CATSPERD: variants seen among roughly 807,000 people sequenced by gnomAD.
CATSPERD encodes the protein catsper channel auxiliary subunit delta.
A neutral mutation model predicts 98.1 loss-of-function variants in CATSPERD; 86 were observed. The ratio of observed to expected loss-of-function variants is 0.88; its 90% CI spans 0.74 to 1.05. The LOEUF is 1.05. Among genes scored for constraint, CATSPERD ranks in the 50% least tolerant of loss-of-function variants. The probability of loss-of-function intolerance (pLI) is 0.00; values close to 1 mark genes in which losing one functional copy is unlikely to be tolerated. For synonymous variants in CATSPERD, 394 were observed against 390.2 expected, an observed-to-expected ratio of 1.01 and a Z score of -0.12; for missense variants, 995 against 1,005.7, an observed-to-expected ratio of 0.99 and a Z score of 0.14.
At chr19:5,770,088 CAAA>C (rs760375391) in intron 18 of CATSPERD, among the ~76,000 whole-genome samples, 8 of 67,156 alleles carry the variant, frequency 1.2e-4, no homozygotes, top group Non-Finnish European at 1.2e-4. Flanking sequence ...GACTCTGTCT[CAAA>C]AAAAAAAAAA....
At chr19:5,751,903 C>A in intron 12 of CATSPERD, 80 bp downstream of exon 12, 2 of 1,333,708 alleles carry the variant, frequency 1.5e-6, no homozygotes, top group Non-Finnish European at 2.0e-6. Flanking sequence ...TGGTGCACGC[C>A]TGTAGCCCCA....
Position 5,758,993 on chromosome 19 carries a change from C to T in CATSPERD, c.1369-93C>T, listed in dbSNP as rs1351825004. 6 of 1,151,344 alleles carry T rather than the reference C, an allele frequency of 5.2e-6. No individual in the cohort carries two copies. In the East Asian group the frequency reaches 1.2e-4, roughly 23 times the overall value. 71.3% of individuals were successfully genotyped at this position (1,151,344 alleles called of 1,614,324 possible). A position where few individuals can be genotyped will look rare whatever the true frequency, so the allele number is the denominator to read the frequency against. ...GCTTCCAGGTTCGTCCCCCCATGTC[C>T]CCTCCAACACCCCATCTCTCCCAAT... On this transcript the variant is annotated intron_variant, in intron 14 of 21. Coordinates refer to ENST00000381624, the MANE Select transcript of CATSPERD (RefSeq NM_152784.4).
At chr19:5,773,505 C>T (rs747709655) in intron 20 of CATSPERD, among the ~76,000 whole-genome samples, 1 of 152,062 alleles carries the variant, frequency 6.6e-6, no homozygotes, top group Non-Finnish European at 1.5e-5. Flanking sequence ...CCCGGGCTGT[C>T]TTACTCAGTG....
At chr19:5,737,851 AAAAAAAAAAAAAAG>A (rs773958324) in intron 6 of CATSPERD, among the ~76,000 whole-genome samples, 4 of 122,240 alleles carry the variant, frequency 3.3e-5, no homozygotes, top group Non-Finnish European at 6.7e-5. Flanking sequence ...ACTCCATCTC[AAAAAAAAAAAAAAG>A]AAAAAAGATA....
chr19:5,741,793 G>A lies in CATSPERD; in HGVS notation c.573+2354G>A, dbSNP rs1158219882. Among the ~76,000 whole-genome samples, 10 of 96,054 alleles carry A rather than the reference G, an allele frequency of 1.0e-4. 3 individuals carry two copies. The highest frequency in any genetic ancestry group is 2.0e-4 in the Admixed American group (2 of 10,222). 63.0% of individuals were successfully genotyped at this position (96,054 alleles called of 152,430 possible). A position where few individuals can be genotyped will look rare whatever the true frequency, so the allele number is the denominator to read the frequency against. On this transcript the variant is annotated intron_variant, in intron 7 of 21. Coordinates refer to ENST00000381624, the MANE Select transcript of CATSPERD (RefSeq NM_152784.4). Reference sequence around the variant, plus strand: ...CTTTGGGATGCTGAAGGCGGGGGGGGGGGGGTGGTGTGGATCACTTGAGGT... The same window carrying A: ...CTTTGGGATGCTGAAGGCGGGGGGGAGGGGGTGGTGTGGATCACTTGAGGT...
At chr19:5,731,750 T>C (rs553991871) in intron 4 of CATSPERD, among the ~76,000 whole-genome samples, 1 of 149,718 alleles carries the variant, frequency 6.7e-6, no homozygotes, top group East Asian at 2.0e-4. Context: ...TAATTTTTTG[T>C]ATTTTTAGTA....
intron 3 of CATSPERD, among the ~76,000 whole-genome samples, chr19:5,728,527 G>A (rs1025295239): frequency 1.3e-5 from 2 of 151,404 alleles, no homozygotes; most frequent in Admixed American, 6.6e-5. Flanking sequence ...ATTGTACCCC[G>A]TCTGGATGTC....
chr19:5,776,498 A>G (rs141697824), intron 21 of CATSPERD, among the ~76,000 whole-genome samples, 183 bp downstream of exon 21: 22 of 152,322 alleles, frequency 1.4e-4, no homozygotes, highest in African/African-American at 5.1e-4. Context: ...CTAAATACTC[A>G]TTTCAGAGTC....
chr19:5,763,374 A>C lies in CATSPERD; in HGVS notation c.1506+81A>C, dbSNP rs1456714676. The C allele has an allele frequency of 1.2e-5, 14 of 1,126,038 alleles. No individual in the cohort carries two copies. In the East Asian group the frequency reaches 3.3e-4, roughly 27 times the overall value. 69.8% of individuals were successfully genotyped at this position (1,126,038 alleles called of 1,614,324 possible). A position where few individuals can be genotyped will look rare whatever the true frequency, so the allele number is the denominator to read the frequency against. ...GGAAGCTGGCCCTGAGGTTGCAATG[A>C]GCTGAGATAGTGCCACTGCACTCCA... On this transcript the variant is annotated intron_variant, in intron 16 of 21. Coordinates refer to ENST00000381624, the MANE Select transcript of CATSPERD (RefSeq NM_152784.4).
chr19:5,759,182 C>T, intron 15 of CATSPERD, 38 bp downstream of exon 15: 1 of 1,590,678 alleles, frequency 6.3e-7, no homozygotes, highest in Non-Finnish European at 8.6e-7. Flanking sequence ...ACTGGGCTGC[C>T]TACAGGGGTT....
chr19:5,775,328 G>A (rs949837323), intron 20 of CATSPERD: 7 of 468,910 alleles, frequency 1.5e-5, no homozygotes, highest in African/African-American at 6.0e-5. Flanking sequence ...ACAGACCTGC[G>A]TATTTATTGA....
intron 5 of CATSPERD, among the ~76,000 whole-genome samples, chr19:5,734,737 G>A (rs1318922677): frequency 6.6e-6 from 1 of 151,912 alleles, no homozygotes; most frequent in African/African-American, 2.4e-5. Flanking sequence ...AGGAAGTGGA[G>A]GTTGCAGTGA....
At position 5,751,773 on chromosome 19, in the gene CATSPERD, A is replaced by C; in HGVS notation, c.1114A>C (p.Asn372His). The change falls in exon 12 of 22, where the codon AAT (asparagine) becomes CAT (histidine). Residue 372 changes from asparagine to histidine, a missense_variant. This residue lies in a region of CATSPERD where 762 missense variants were observed against 773.7 expected (regional missense o/e 0.98). Transcript: ENST00000381624. ...TTTTGATTTCCAGAAGTGCCTCGTG[A>C]ATATCCAGGCGCTTCTCATGGACCC... ...PAFDFQKCLV[N>H]IQALLMDPEL... is the part of the protein sequence containing the mutation. 1 of 1,613,750 alleles carries C rather than the reference A, an allele frequency of 6.2e-7. No individual in the cohort carries two copies. The highest frequency in any genetic ancestry group is 8.5e-7 in the Non-Finnish European group (1 of 1,179,896).
At chr19:5,756,853 G>A (rs1405653574) in intron 13 of CATSPERD, among the ~76,000 whole-genome samples, 1 of 152,044 alleles carries the variant, frequency 6.6e-6, no homozygotes, top group East Asian at 1.9e-4. Context: ...TGACACATGA[G>A]AATCGCTTGA....
intron 4 of CATSPERD, among the ~76,000 whole-genome samples, chr19:5,733,146 A>G (rs750185584): frequency 2.6e-5 from 4 of 151,302 alleles, no homozygotes; most frequent in Admixed American, 6.6e-5. Flanking sequence ...GGCACCTGCC[A>G]CCATACTCAG....
intron 13 of CATSPERD, among the ~76,000 whole-genome samples, chr19:5,755,992 A>C (rs952182215): frequency 6.6e-6 from 1 of 151,802 alleles, no homozygotes; most frequent in Non-Finnish European, 1.5e-5. Context: ...TAAAAAATAA[A>C]AAAATTGTCC....
At position 5,757,839 on chromosome 19, in the gene CATSPERD, C is replaced by G; in HGVS notation, c.1279-4C>G. ...CAGCCTGAGCTTCTCTCCCCCACTC[C>G]CAGGTGATGGTGAGCAACCCCCACT... On this transcript the variant is annotated splice_region_variant and splice_polypyrimidine_tract_variant and intron_variant, in intron 13 of 21. Coordinates refer to ENST00000381624, the MANE Select transcript of CATSPERD (RefSeq NM_152784.4). 6.2e-7 allele frequency: 1 copy of G among 1,612,096 alleles called. No homozygotes were observed. The highest frequency in any genetic ancestry group is 1.1e-5 in the South Asian group (1 of 90,898).
At chr19:5,746,521 C>T (rs749095331) in intron 9 of CATSPERD, among the ~76,000 whole-genome samples, 3 of 152,120 alleles carry the variant, frequency 2.0e-5, no homozygotes, top group East Asian at 1.9e-4. Context: ...CTCCGCCTCC[C>T]GGGTTCACAC....
intron 19 of CATSPERD, 47 bp from the exon 20 acceptor site, chr19:5,772,741 G>C (rs748092231): frequency 5.7e-6 from 9 of 1,570,984 alleles, no homozygotes; most frequent in Middle Eastern, 1.7e-4. Context: ...GGTCTTCCTG[G>C]GTTGTCCCTG....
Sources: allele counts gnomAD v4.1 joint callset (sites outside exome capture counted in the v4.1 genomes callset), GRCh38; gene constraint gnomAD v4.1.1; regional missense constraint gnomAD v4.1.1; transcripts MANE v1.5; gene names NCBI Gene and HGNC (gene_info 2026-07-23, HGNC 2026-07-21).